PTPRN2: variants seen among roughly 807,000 people sequenced by gnomAD.
PTPRN2 encodes receptor-type tyrosine-protein phosphatase N2.
A neutral mutation model predicts 118.8 loss-of-function variants in PTPRN2; 74 were observed. That is an observed-to-expected ratio of 0.62 (90% CI 0.52 to 0.76). The LOEUF (loss-of-function observed/expected upper bound fraction) is 0.76, where lower values mean the gene tolerates loss of function less well. Ranked by LOEUF, PTPRN2 falls within the 30% of genes least tolerant of loss-of-function variation. The pLI, the probability that PTPRN2 is intolerant of heterozygous loss-of-function variation, is 0.00. For synonymous variants in PTPRN2, 641 were observed against 608.0 expected (o/e 1.05, Z -0.80); for missense variants, 1,481 against 1,394.4 (o/e 1.06, Z -0.99).
intron 2 of PTPRN2, among the ~76,000 whole-genome samples, chr7:158,394,842 C>A (rs117788909): frequency 6.6e-6 from 1 of 152,234 alleles, no homozygotes; most frequent in Non-Finnish European, 1.5e-5. Flanking sequence ...CAGCCCTGAC[C>A]AGAGGCATTT....
At chr7:157,750,304 C>G (rs182216908) in intron 12 of PTPRN2, among the ~76,000 whole-genome samples, 1 of 152,140 alleles carries the variant, frequency 6.6e-6, no homozygotes, top group Non-Finnish European at 1.5e-5. Context: ...TTTGGCCAAA[C>G]GATCAAAACA....
At chr7:158,344,393 T>C (rs1807331126) in intron 2 of PTPRN2, among the ~76,000 whole-genome samples, 1 of 152,120 alleles carries the variant, frequency 6.6e-6, no homozygotes, top group South Asian at 2.1e-4. Context: ...GGGAGGCTGT[T>C]TCAAGTTTAG....
chr7:157,821,494 A>G (rs552951183), intron 12 of PTPRN2, among the ~76,000 whole-genome samples: 1 of 152,352 alleles, frequency 6.6e-6, no homozygotes, highest in South Asian at 2.1e-4. Context: ...AGCCAGAGAC[A>G]TCGGAGATGA....
chr7:158,270,364 T>TCTCGG (rs1000758476), intron 3 of PTPRN2, among the ~76,000 whole-genome samples: 66 of 152,184 alleles, frequency 4.3e-4, no homozygotes, highest in African/African-American at 1.5e-3. Flanking sequence ...CAGGCATGGT[T>TCTCGG]CTCGGGGTGA....
At chr7:158,107,125 A>G (rs1366761322) in intron 10 of PTPRN2, among the ~76,000 whole-genome samples, 1 of 152,090 alleles carries the variant, frequency 6.6e-6, no homozygotes, top group Non-Finnish European at 1.5e-5. Context: ...CGTGCCCCAC[A>G]TCGCTGCTGC....
intron 12 of PTPRN2, among the ~76,000 whole-genome samples, chr7:157,689,333 G>A (rs1415315408): frequency 6.6e-6 from 1 of 152,138 alleles, no homozygotes; most frequent in East Asian, 1.9e-4. Context: ...GTGGCTCCAC[G>A]GTGCCGGCCG....
chr7:158,582,455 A>G (rs1359258481), intron 1 of PTPRN2, among the ~76,000 whole-genome samples: 2 of 152,072 alleles, frequency 1.3e-5, no homozygotes, highest in Non-Finnish European at 2.9e-5. Context: ...CACAGTGGCT[A>G]TGCACGTAAT....
intron 11 of PTPRN2, among the ~76,000 whole-genome samples, chr7:158,042,953 C>T (rs955373859): frequency 6.6e-6 from 1 of 152,154 alleles, no homozygotes; most frequent in Admixed American, 6.5e-5. Flanking sequence ...CAATACAAAG[C>T]AAAACACTCT....
rs181237632 is a variant in PTPRN2 at position 158,169,530 on chromosome 7, C to T, written c.550-2239G>A. On this transcript the variant is annotated intron_variant, in intron 5 of 22. Coordinates refer to ENST00000389418, the MANE Select transcript of PTPRN2 (RefSeq NM_002847.5). ...TCCTGGCCTCAAGTGATCCGCCTGC[C>T]TCAGCCTCCCAAAGTGCTGGGATTA... Among the ~76,000 whole-genome samples the T allele has an allele frequency of 4.2e-3, 632 of 151,880 alleles. 3 individuals are homozygous for T. Among genetic ancestry groups the T allele is most frequent in the African/African-American group, 0.014 (588 of 41,382 alleles).
chr7:157,694,180 ATCTTAATTTAATGACCTG>A (rs1158744792), intron 12 of PTPRN2, among the ~76,000 whole-genome samples: 1 of 152,194 alleles, frequency 6.6e-6, no homozygotes, highest in East Asian at 1.9e-4. Flanking sequence ...TCCTGATTTG[ATCTTAATTTAATGACCTG>A]TCTTTCTAGT....
intron 11 of PTPRN2, among the ~76,000 whole-genome samples, chr7:158,072,294 T>C (rs1812004361): frequency 6.6e-6 from 1 of 152,154 alleles, no homozygotes; most frequent in Non-Finnish European, 1.5e-5. Flanking sequence ...GCCCTCCTTA[T>C]TAAGAACGAT....
chr7:157,982,479 TGA>T (rs201380100), intron 11 of PTPRN2, among the ~76,000 whole-genome samples: 1 of 78,138 alleles, frequency 1.3e-5, no homozygotes, highest in Admixed American at 1.6e-4. Flanking sequence ...GTCATAGAGA[TGA>T]GGAGGGGAAT....
intron 1 of PTPRN2, among the ~76,000 whole-genome samples, chr7:158,518,701 G>C (rs1283606515): frequency 6.6e-6 from 1 of 152,142 alleles, no homozygotes; most frequent in Non-Finnish European, 1.5e-5. Context: ...AATGTTACTT[G>C]AGGCCAGGCG....
intron 12 of PTPRN2, among the ~76,000 whole-genome samples, chr7:157,875,734 G>C (rs1395744570): frequency 6.8e-6 from 1 of 146,642 alleles, no homozygotes; most frequent in African/African-American, 2.5e-5. Context: ...CATCCCCAGG[G>C]GGGCACGGGG....
At chr7:158,399,895 A>T (rs1440181448) in intron 2 of PTPRN2, among the ~76,000 whole-genome samples, 2 of 152,114 alleles carry the variant, frequency 1.3e-5, no homozygotes, top group African/African-American at 4.8e-5. Context: ...GGGAGTGGGA[A>T]GCGGGACTCA....
At chr7:157,542,851 G>A (rs1798079413) in intron 22 of PTPRN2, among the ~76,000 whole-genome samples, 1 of 152,252 alleles carries the variant, frequency 6.6e-6, no homozygotes, top group Non-Finnish European at 1.5e-5. Context: ...GCAGGAGGAG[G>A]GGGTGCTTCC....
chr7:158,504,841 C>T (rs893914700), intron 1 of PTPRN2, among the ~76,000 whole-genome samples: 4 of 152,264 alleles, frequency 2.6e-5, no homozygotes, highest in South Asian at 2.1e-4. Flanking sequence ...TACTGCAATA[C>T]GCAATCTTGA....
At chr7:158,575,895 AG>A (rs1203270958) in intron 1 of PTPRN2, among the ~76,000 whole-genome samples, 1 of 152,240 alleles carries the variant, frequency 6.6e-6, no homozygotes, top group Non-Finnish European at 1.5e-5. Flanking sequence ...AAAAATAAGT[AG>A]ATTGTTTTAT....
intron 22 of PTPRN2, among the ~76,000 whole-genome samples, chr7:157,544,877 CGT>C (rs1177566899): frequency 2.0e-5 from 3 of 150,762 alleles, no homozygotes; most frequent in Admixed American, 6.6e-5. Flanking sequence ...GGATGTGCAT[CGT>C]GTGTGGGTGT....
Sources: allele counts gnomAD v4.1 joint callset (sites outside exome capture counted in the v4.1 genomes callset), GRCh38; gene constraint gnomAD v4.1.1; transcripts MANE v1.5; gene names NCBI Gene and HGNC (gene_info 2026-07-23, HGNC 2026-07-21).